DNAH5: variants seen among roughly 807,000 people sequenced by gnomAD.
DNAH5 encodes axonemal beta dynein heavy chain 5.
DNAH5 carries 372 observed loss-of-function variants against 518.2 expected under a neutral mutation model. The ratio of observed to expected loss-of-function variants is 0.72; its 90% CI spans 0.66 to 0.78. DNAH5 has a LOEUF of 0.78. Among genes scored for constraint, DNAH5 ranks in the 30% least tolerant of loss-of-function variants. The pLI is 0.00. For missense variants in DNAH5, 5,523 were observed against 5,687.0 expected, an observed-to-expected ratio of 0.97 and a Z score of 0.93; for synonymous variants, 2,039 against 2,025.9, an observed-to-expected ratio of 1.01 and a Z score of -0.17.
chr5:13,826,469 G>T (rs570886110), intron 38 of DNAH5, among the ~76,000 whole-genome samples: 17 of 152,308 alleles, frequency 1.1e-4, no homozygotes, highest in African/African-American at 4.1e-4. Flanking sequence ...AATCATGGGG[G>T]TGGCTACCTC....
At position 13,735,125 on chromosome 5, in the gene DNAH5, A is replaced by G. The variant is rs1265709613; in HGVS notation, c.11761+6T>C. The G allele has an allele frequency of 6.2e-7, 1 of 1,613,430 alleles. No homozygotes were observed. Among genetic ancestry groups the G allele is most frequent in the East Asian group, 2.2e-5 (1 of 44,852 alleles). On this transcript the variant is annotated splice_donor_region_variant and intron_variant, in intron 68 of 78. Coordinates refer to ENST00000265104, the MANE Select transcript of DNAH5 (RefSeq NM_001369.3). Reference sequence around the variant, plus strand: ...TGTGCGCTATAGTCTCTATTCTTATATTGACCTTTAATAAGAGTGAGAAAC... The same window carrying G: ...TGTGCGCTATAGTCTCTATTCTTATGTTGACCTTTAATAAGAGTGAGAAAC...
rs1050312639 is a variant in DNAH5, at chr5:13,871,633, G to A, written c.3529C>T (p.Gln1177Ter). The A allele has an allele frequency of 1.9e-6, 3 of 1,613,596 alleles. No homozygotes were observed. The highest frequency in any genetic ancestry group is 2.7e-5 in the African/African-American group (2 of 74,882). Residue 1177 changes from glutamine to a stop codon, truncating the protein, a stop_gained, in exon 23 of 79, where the codon CAA becomes TAA. Transcript: ENST00000265104. LOFTEE classifies it high-confidence loss of function. Reference protein sequence around the residue: ...SEFESQILYFQNLEQEINAEP... With the variant: ...SEFESQILYF ...GCATTAATTTCCTGCTCTAGGTTTT[G>A]GAAATAGAGAATCTGGGACTCAAAT...
intron 1 of DNAH5, among the ~76,000 whole-genome samples, chr5:14,011,340 AGAGGAAGAGGAG>A (rs1354202373): frequency 9.2e-5 from 14 of 152,342 alleles, no homozygotes; most frequent in African/African-American, 3.1e-4. Context: ...TTCAGCAGCA[AGAGGAAGAGGAG>A]GAAGTCCCTG....
intron 75 of DNAH5, among the ~76,000 whole-genome samples, chr5:13,713,216 T>C (rs1450771278): frequency 6.8e-6 from 1 of 147,118 alleles, no homozygotes; most frequent in Non-Finnish European, 1.5e-5. Flanking sequence ...GACATATATA[T>C]ATACCGACAT....
intron 1 of DNAH5, among the ~76,000 whole-genome samples, chr5:13,977,714 A>G (rs1782369119): frequency 6.6e-6 from 1 of 152,204 alleles, no homozygotes; most frequent in African/African-American, 2.4e-5. Context: ...GTCCCAGCCC[A>G]GGATGGGATC....
At chr5:13,950,275 A>G (rs1004853116) in intron 1 of DNAH5, among the ~76,000 whole-genome samples, 12 of 151,796 alleles carry the variant, frequency 7.9e-5, no homozygotes, top group African/African-American at 2.9e-4. Flanking sequence ...TTGCTCCCCA[A>G]ACCATGATAC....
intron 1 of DNAH5, among the ~76,000 whole-genome samples, chr5:13,974,850 G>C (rs527300318): frequency 6.6e-6 from 1 of 152,268 alleles, no homozygotes; most frequent in South Asian, 2.1e-4. Flanking sequence ...TTGCCAGGAG[G>C]AGACACAAGG....
In DNAH5 at chr5:13,691,942, C is replaced by T. The variant is rs752463884; in HGVS notation, c.*42G>A. 3 of 1,613,128 alleles carry T rather than the reference C, an allele frequency of 1.9e-6. No homozygotes were observed. In the Admixed American group the frequency reaches 5.0e-5, roughly 27 times the overall value. ...AAATAAAGGTTACAATAATTTAGAT[C>T]TTGCATTTTCCAAAGCATTGGGTGG... On this transcript the variant is annotated 3_prime_UTR_variant, in exon 79 of 79. Transcript: ENST00000265104.
In DNAH5 at chr5:13,820,773, C is replaced by T. The variant is rs112295850; in HGVS notation, c.6688-274G>A. Among the ~76,000 whole-genome samples the T allele has an allele frequency of 0.21, 30,324 of 143,062 alleles. 3,290 individuals are homozygous for T. Among genetic ancestry groups the T allele is most frequent in the East Asian group, 0.54 (2,633 of 4,900 alleles). 93.9% of individuals were successfully genotyped at this position (143,062 alleles called of 152,430 possible). On this transcript the variant is annotated intron_variant, in intron 40 of 78. Transcript: ENST00000265104. ...CTGGGAGGCAGAGGTTGCAGTAAGCCGAGATTGCACCACTGCACTCCAGCC... is the reference window on the plus strand; with the variant it reads ...CTGGGAGGCAGAGGTTGCAGTAAGCTGAGATTGCACCACTGCACTCCAGCC...
chr5:13,811,663 C>A lies in DNAH5; in HGVS notation c.7391G>T (p.Gly2464Val), dbSNP rs772513153. The stretch of plus-strand genomic sequence containing the variant: ...GCAATTTACCTTCAGAGGAATCAGG[C>A]CTTGAAGCATGTTAATGCTCTGTGT... ...VITQSINMLQGLIPLKEQGGE... is the reference protein window; with the variant it reads ...VITQSINMLQVLIPLKEQGGE... The change falls in exon 44 of 79, where the codon GGC becomes GTC. Residue 2464 changes from glycine (G) to valine (V), a missense_variant. Coordinates refer to ENST00000265104, the MANE Select transcript of DNAH5 (RefSeq NM_001369.3). 9.3e-6 allele frequency: 15 copies of A among 1,614,102 alleles called. No individual in the cohort carries two copies. The Admixed American group carries it at 1.3e-4, about 14-fold the overall frequency.
At position 13,707,843 on chromosome 5, in the gene DNAH5, C is replaced by T. The variant is rs73747828; in HGVS notation, c.13338+280G>A. Reference sequence around the variant, plus strand: ...AATCTGAGAAAAGACTTAACCTGTCCCAAACTTAAGTTTCTCATCTGTAAA... The same window carrying T: ...AATCTGAGAAAAGACTTAACCTGTCTCAAACTTAAGTTTCTCATCTGTAAA... On this transcript the variant is annotated intron_variant, in intron 76 of 78. Transcript: ENST00000265104. The surrounding 1 kb of genome is among the most constrained non-coding windows in gnomAD (Gnocchi z 4.0). Among the ~76,000 whole-genome samples the T allele has an allele frequency of 0.014, 2,103 of 151,964 alleles. 46 individuals are homozygous for T. Among genetic ancestry groups the T allele is most frequent in the African/African-American group, 0.048 (1,997 of 41,406 alleles).
In DNAH5 at chr5:13,883,113, AG is replaced by A. The variant is rs1175703826; in HGVS notation, c.2984-20del. 14 of 1,612,158 alleles carry A rather than the reference AG, an allele frequency of 8.7e-6. No individual in the cohort carries two copies. The highest frequency in any genetic ancestry group is 1.1e-5 in the Non-Finnish European group (13 of 1,179,654). ...TTACTGTCTGAGTTAACCCAAAACA[AG>A]GAAGAATTCACATTTTTAATACAAA... On this transcript the variant is annotated intron_variant, in intron 19 of 78. Coordinates refer to ENST00000265104, the MANE Select transcript of DNAH5 (RefSeq NM_001369.3).
intron 21 of DNAH5, among the ~76,000 whole-genome samples, chr5:13,879,632 A>T (rs1463570558): frequency 2.0e-5 from 3 of 152,106 alleles, no homozygotes; most frequent in Non-Finnish European, 2.9e-5. Flanking sequence ...CCAAACAGCA[A>T]ACATAAAACT....
intron 1 of DNAH5, among the ~76,000 whole-genome samples, chr5:13,962,639 T>A (rs1178662886): frequency 2.0e-5 from 3 of 152,070 alleles, no homozygotes; most frequent in Non-Finnish European, 4.4e-5. Flanking sequence ...CAGGCATCAG[T>A]AGATGGAAAA....
chr5:13,892,559 CAAAAAG>C (rs929688788), intron 16 of DNAH5, among the ~76,000 whole-genome samples: 12 of 152,070 alleles, frequency 7.9e-5, no homozygotes, highest in African/African-American at 2.7e-4. Context: ...CCTTAAATTA[CAAAAAG>C]AAAAACATAA....
At chr5:13,978,797 A>C (rs1782463403) in intron 1 of DNAH5, among the ~76,000 whole-genome samples, 1 of 152,206 alleles carries the variant, frequency 6.6e-6, no homozygotes, top group Non-Finnish European at 1.5e-5. Context: ...ATAATGATGA[A>C]ATTGTGTAAT....
At chr5:13,803,897 C>T (rs759316925) in intron 47 of DNAH5, among the ~76,000 whole-genome samples, 3 of 152,158 alleles carry the variant, frequency 2.0e-5, no homozygotes, top group Admixed American at 6.5e-5. Flanking sequence ...AATTTCCTTC[C>T]AGGTCTAGGA....
At chr5:13,830,465 T>A (rs1220863896) in intron 36 of DNAH5, 132 bp downstream of exon 36, 2 of 1,113,492 alleles carry the variant, frequency 1.8e-6, no homozygotes, top group Admixed American at 2.0e-5. Context: ...CCTGGCAAGA[T>A]TGAAGATTTT....
chr5:13,780,437 A>G (rs142483186), intron 53 of DNAH5, among the ~76,000 whole-genome samples: 220 of 152,310 alleles, frequency 1.4e-3, no homozygotes, highest in African/African-American at 4.8e-3. Flanking sequence ...TTCAATAACT[A>G]TTCTGAAATG....
Sources: gnomAD v4.1 joint callset for allele counts (sites outside exome capture counted in the v4.1 genomes callset) on GRCh38, gnomAD v4.1.1 for gene constraint, Gnocchi (gnomAD v3.1) non-coding constraint, MANE v1.5 for transcripts, NCBI Gene and HGNC (gene_info 2026-07-23, HGNC 2026-07-21) for gene names.